Variants in DMD observed in about 807,000 individuals in gnomAD.
DMD encodes the protein mutant dystrophin.
In DMD, 63 loss-of-function variants were observed where a neutral mutation model predicts 330.1. The observed-to-expected ratio is 0.19, with a 90% CI of 0.16 to 0.24. The LOEUF (loss-of-function observed/expected upper bound fraction) is 0.24. Ranked by LOEUF, DMD falls within the 10% of genes least tolerant of loss-of-function variation. The probability of loss-of-function intolerance (pLI) is 1.00; values close to 1 mark genes in which losing one functional copy is unlikely to be tolerated. For synonymous variants in DMD, 1,223 were observed against 959.8 expected (o/e 1.27, Z -5.07); for missense variants, 3,344 against 2,684.1 (o/e 1.25, Z -5.43).
chrX:31,723,986 CT>C (rs2085799932), intron 52 of DMD, among the ~76,000 whole-genome samples: 1 of 112,074 alleles, frequency 8.9e-6, no homozygotes, highest in Non-Finnish European at 1.9e-5. Flanking sequence ...CTGAATCTTA[CT>C]TTTTTCCTGT....
intron 54 of DMD, among the ~76,000 whole-genome samples, chrX:31,653,369 G>A (rs1457482242): frequency 9.0e-6 from 1 of 111,465 alleles, no homozygotes. Context: ...ATGTATATAT[G>A]TACACACATA....
intron 17 of DMD, among the ~76,000 whole-genome samples, chrX:32,525,273 T>C (rs1449941427): frequency 8.9e-6 from 1 of 112,132 alleles, no homozygotes; most frequent in Non-Finnish European, 1.9e-5. Flanking sequence ...CTCTAATACT[T>C]AACATGTACC....
intron 44 of DMD, among the ~76,000 whole-genome samples, chrX:32,132,488 AG>A (rs1282215383): frequency 1.8e-5 from 2 of 112,002 alleles, no homozygotes; most frequent in African/African-American, 6.5e-5. Context: ...GCAATCAGTC[AG>A]CAGCAAAACC....
chrX:31,721,378 T>C (rs1249548517), intron 52 of DMD, among the ~76,000 whole-genome samples: 1 of 110,251 alleles, frequency 9.1e-6, no homozygotes, highest in East Asian at 2.9e-4. Flanking sequence ...CCCTCCACAA[T>C]GTGGGTGGGC....
chrX:32,310,351 G>T, intron 41 of DMD, 75 bp from the exon 42 acceptor site: 1 of 835,804 alleles, frequency 1.2e-6, no homozygotes, highest in Admixed American at 2.5e-5. Context: ...GTTTATATAG[G>T]TCTCATTCTA....
At chrX:33,055,798 T>C (rs987005571) in intron 1 of DMD, among the ~76,000 whole-genome samples, 3 of 111,695 alleles carry the variant, frequency 2.7e-5, no homozygotes, top group Non-Finnish European at 3.8e-5. Context: ...GGATACCAGC[T>C]ATATGACCTT....
chrX:32,620,988 A>T (rs1367402854), intron 11 of DMD, among the ~76,000 whole-genome samples: 1 of 111,142 alleles, frequency 9.0e-6, no homozygotes, highest in African/African-American at 3.3e-5. Context: ...ACGGATGGAG[A>T]GGCAAGGAAG....
chrX:32,736,693 A>T (rs1216285000), intron 7 of DMD, among the ~76,000 whole-genome samples: 2 of 103,079 alleles, frequency 1.9e-5, no homozygotes, highest in African/African-American at 7.2e-5. Context: ...ACATATTCTC[A>T]CTCATAGGTG....
At chrX:32,707,547 A>G (rs2064790299) in intron 7 of DMD, among the ~76,000 whole-genome samples, 2 of 111,845 alleles carry the variant, frequency 1.8e-5, no homozygotes, top group African/African-American at 3.3e-5. Context: ...TCAAAAATCA[A>G]ATTTCTGCCG....
chrX:32,520,844 C>CG (rs1394209488), intron 17 of DMD, among the ~76,000 whole-genome samples: 6 of 87,929 alleles, frequency 6.8e-5, no homozygotes, highest in African/African-American at 2.6e-4. Context: ...TCCTGCCATA[C>CG]TTTTTTTTTT....
chrX:32,793,739 G>A (rs1407611767), intron 7 of DMD, among the ~76,000 whole-genome samples: 1 of 111,700 alleles, frequency 9.0e-6, no homozygotes, highest in Non-Finnish European at 1.9e-5. Flanking sequence ...TCTATAATTA[G>A]TAATGATCTT....
intron 1 of DMD, among the ~76,000 whole-genome samples, chrX:33,047,634 AT>A (rs1446111390): frequency 3.6e-5 from 4 of 112,586 alleles, no homozygotes; most frequent in African/African-American, 1.3e-4. Context: ...CAAATGAATT[AT>A]TTTTGTCTTA....
chrX:32,486,313 C>T (rs1051282897), intron 20 of DMD, among the ~76,000 whole-genome samples: 2 of 111,757 alleles, frequency 1.8e-5, no homozygotes, highest in African/African-American at 6.5e-5. Context: ...ATACTGATTA[C>T]ACTTTCAAAT....
chrX:32,999,648 T>C (rs2093221216), intron 2 of DMD, among the ~76,000 whole-genome samples: 1 of 110,486 alleles, frequency 9.1e-6, no homozygotes, highest in Non-Finnish European at 1.9e-5. Context: ...TGGTGGCACG[T>C]GCCTGTAGTC....
At position 31,354,380 on chromosome X, in the gene DMD, CCTT is replaced by C. The variant is rs201124243; in HGVS notation, c.9085-5749_9085-5747del. On this transcript the variant is annotated intron_variant, in intron 60 of 78. Transcript: ENST00000357033. The stretch of plus-strand genomic sequence containing the variant: ...ACTTCCCTCCCTCCCTTCTTCCTTT[CCTT>C]CTTTTCTTCCTTCCTCCTTTTCTTC... 4.7e-3 allele frequency among the ~76,000 whole-genome samples: 521 copies of C among 111,236 alleles called. 1 individual carries two copies. Among genetic ancestry groups the C allele is most frequent in the African/African-American group, 0.013 (411 of 30,693 alleles).
chrX:32,042,123 A>T (rs1479004082), intron 44 of DMD, among the ~76,000 whole-genome samples: 1 of 92,414 alleles, frequency 1.1e-5, no homozygotes, highest in African/African-American at 4.0e-5. Flanking sequence ...ATACACACAT[A>T]TGTATACATA....
chrX:33,249,295 C>T lies in DMD; in HGVS notation c.7+89964G>A, dbSNP rs182718779. Among the ~76,000 whole-genome samples the T allele has an allele frequency of 5.9e-4, 66 of 111,436 alleles. 1 individual carries two copies. The highest frequency in any genetic ancestry group is 2.1e-3 in the African/African-American group (65 of 30,718). On this transcript the variant is annotated intron_variant, in intron 1 of 17. Coordinates refer to the DMD transcript ENST00000288447. ...CCTCCCTAGTAGCTGGGATGACAGGCATCTGCCACCACACCTGGCTAATTT... is the reference window on the plus strand; with the variant it reads ...CCTCCCTAGTAGCTGGGATGACAGGTATCTGCCACCACACCTGGCTAATTT...
chrX:32,809,933 A>G (rs2077230688), intron 6 of DMD, among the ~76,000 whole-genome samples: 1 of 95,337 alleles, frequency 1.0e-5, no homozygotes. Flanking sequence ...AAAAAAAAAA[A>G]AAAAAAAAAA....
At chrX:31,923,129 C>G (rs139300166) in intron 47 of DMD, among the ~76,000 whole-genome samples, 4,573 of 111,475 alleles carry the variant, frequency 0.041, 78 homozygotes, top group Non-Finnish European at 0.065. Context: ...GGATAACAGG[C>G]AAAAACCAGA....
Sources: gnomAD v4.1 joint callset for allele counts (sites outside exome capture counted in the v4.1 genomes callset) on GRCh38, gnomAD v4.1.1 for gene constraint, MANE v1.5 for transcripts, NCBI Gene and HGNC (gene_info 2026-07-23, HGNC 2026-07-21) for gene names.